The following INPP4B variants were observed in gnomAD, a reference collection of about 807,000 sequenced individuals.
INPP4B encodes inositol polyphosphate 4-phosphatase type II.
Under a neutral mutation model 122.5 loss-of-function variants are expected in INPP4B, and 55 were observed. That is an observed-to-expected ratio of 0.45 (90% CI 0.36 to 0.56). INPP4B has a LOEUF of 0.56. Among genes scored for constraint, INPP4B ranks in the 20% least tolerant of loss-of-function variants. The pLI is 0.00. For missense variants in INPP4B, 1,000 were observed against 1,097.7 expected, an observed-to-expected ratio of 0.91 and a Z score of 1.26; for synonymous variants, 403 against 388.7, an observed-to-expected ratio of 1.04 and a Z score of -0.43.
At chr4:142,537,429 T>TATATATATATATATAGAGAGAGAGAG (rs1200701380) in intron 2 of INPP4B, among the ~76,000 whole-genome samples, 2 of 25,482 alleles carry the variant, frequency 7.8e-5, no homozygotes, top group African/African-American at 1.2e-4. Flanking sequence ...TATATATATA[T>TATATATATATATATAGAGAGAGAGAG]AGAGAGAGAG....
At chr4:142,274,743 A>C (rs1747557860) in intron 9 of INPP4B, among the ~76,000 whole-genome samples, 1 of 151,820 alleles carries the variant, frequency 6.6e-6, no homozygotes, top group Admixed American at 6.6e-5. Flanking sequence ...TAGCAATAAG[A>C]TGGGGCTGCA....
chr4:142,086,936 CAAGAG>C (rs1777144100), intron 23 of INPP4B, among the ~76,000 whole-genome samples: 1 of 152,098 alleles, frequency 6.6e-6, no homozygotes, highest in South Asian at 2.1e-4. Context: ...TAGTCTGAAT[CAAGAG>C]AATATATTAA....
intron 8 of INPP4B, among the ~76,000 whole-genome samples, chr4:142,309,613 C>A (rs543264144): frequency 6.6e-6 from 1 of 152,134 alleles, no homozygotes; most frequent in South Asian, 2.1e-4. Context: ...GCTTCTCTGT[C>A]CAGCATTCTT....
At chr4:142,805,762 T>C (rs1271647252) in intron 1 of INPP4B, among the ~76,000 whole-genome samples, 1 of 152,252 alleles carries the variant, frequency 6.6e-6, no homozygotes, top group East Asian at 1.9e-4. Context: ...ACATATAACA[T>C]ACAATATATG....
chr4:142,839,611 T>C (rs1783238047), intron 1 of INPP4B, among the ~76,000 whole-genome samples: 1 of 152,186 alleles, frequency 6.6e-6, no homozygotes, highest in African/African-American at 2.4e-5. Flanking sequence ...ATAAAAATAT[T>C]TGTAAATAAC....
chr4:142,474,811 G>A (rs997057388), intron 2 of INPP4B, among the ~76,000 whole-genome samples: 5 of 152,018 alleles, frequency 3.3e-5, no homozygotes, highest in African/African-American at 1.2e-4. Context: ...ACCTCTCTTA[G>A]CTAGGCAAGC....
At chr4:142,099,264 C>T (rs558481118) in intron 23 of INPP4B, among the ~76,000 whole-genome samples, 1 of 152,238 alleles carries the variant, frequency 6.6e-6, no homozygotes, top group South Asian at 2.1e-4. Context: ...TGCAGTATAA[C>T]ATAATATTCC....
intron 25 of INPP4B, among the ~76,000 whole-genome samples, chr4:142,055,380 C>T (rs779420330): frequency 1.8e-4 from 28 of 152,116 alleles, no homozygotes; most frequent in Admixed American, 3.9e-4. Flanking sequence ...TTCAAACTTA[C>T]GCAGAATAAG....
intron 1 of INPP4B, among the ~76,000 whole-genome samples, chr4:142,741,674 A>T (rs890777641): frequency 6.6e-6 from 1 of 152,060 alleles, no homozygotes; most frequent in African/African-American, 2.4e-5. Flanking sequence ...AATTAGGTAC[A>T]ACTTCAGAGA....
intron 9 of INPP4B, among the ~76,000 whole-genome samples, chr4:142,285,107 G>A (rs751850230): frequency 2.6e-5 from 4 of 151,984 alleles, no homozygotes; most frequent in Non-Finnish European, 5.9e-5. Flanking sequence ...GAGTGTACTG[G>A]AAAGAGAGGT....
At chr4:142,683,057 T>G (rs1476298889) in intron 2 of INPP4B, among the ~76,000 whole-genome samples, 1 of 152,046 alleles carries the variant, frequency 6.6e-6, no homozygotes, top group East Asian at 1.9e-4. Flanking sequence ...CAGCTGAAGC[T>G]TGTCTTATTC....
intron 1 of INPP4B, among the ~76,000 whole-genome samples, chr4:142,814,020 A>C (rs1171063525): frequency 6.6e-6 from 1 of 152,160 alleles, no homozygotes; most frequent in South Asian, 2.1e-4. Flanking sequence ...CTTTCCTTCA[A>C]ATGTGGACTG....
intron 9 of INPP4B, among the ~76,000 whole-genome samples, chr4:142,295,882 G>T (rs1758481826): frequency 6.6e-6 from 1 of 152,046 alleles, no homozygotes; most frequent in East Asian, 1.9e-4. Context: ...AATGTGTCCA[G>T]TGAAGCAGAA....
intron 9 of INPP4B, among the ~76,000 whole-genome samples, chr4:142,285,431 C>T (rs28668354): frequency 2.3e-4 from 30 of 133,084 alleles, no homozygotes; most frequent in South Asian, 5.1e-4. Context: ...TGGATTGAGG[C>T]TCATGACCTC....
chr4:142,225,410 G>C (rs1369943192), intron 12 of INPP4B, among the ~76,000 whole-genome samples: 1 of 151,828 alleles, frequency 6.6e-6, no homozygotes, highest in Non-Finnish European at 1.5e-5. Flanking sequence ...AGCCTATTGT[G>C]GGACTTCACT....
intron 8 of INPP4B, among the ~76,000 whole-genome samples, chr4:142,307,527 A>G (rs1763887348): frequency 6.6e-6 from 1 of 152,230 alleles, no homozygotes; most frequent in Non-Finnish European, 1.5e-5. Flanking sequence ...TGGCATAGAC[A>G]CTGGCCTTTA....
intron 18 of INPP4B, among the ~76,000 whole-genome samples, chr4:142,136,771 C>T (rs1268709829): frequency 6.6e-6 from 1 of 152,060 alleles, no homozygotes; most frequent in Non-Finnish European, 1.5e-5. Context: ...GAAAGCTTGG[C>T]AAACAAGTGA....
chr4:142,081,717 A>G (rs1463685888), intron 25 of INPP4B, among the ~76,000 whole-genome samples: 3 of 152,114 alleles, frequency 2.0e-5, no homozygotes, highest in Non-Finnish European at 4.4e-5. Flanking sequence ...CCTTAACTTG[A>G]GCCAATGAGC....
chr4:142,142,328 G>C lies in INPP4B; in HGVS notation c.1720+3512C>G, dbSNP rs188769626. Among the ~76,000 whole-genome samples, 577 of 152,158 alleles carry C rather than the reference G, an allele frequency of 3.8e-3. 4 individuals carry two copies. Among genetic ancestry groups the C allele is most frequent in the Admixed American group, 0.018 (280 of 15,274 alleles). On this transcript the variant is annotated intron_variant, in intron 18 of 25. Coordinates refer to ENST00000262992, the MANE Select transcript of INPP4B (RefSeq NM_001101669.3). ...ATGATATTTTCACCCAAAGTGGCAG[G>C]AAATAAGTGAAAATATTTAAGGCTG...
Sources: gnomAD v4.1 joint callset for allele counts (sites outside exome capture counted in the v4.1 genomes callset) on GRCh38, gnomAD v4.1.1 for gene constraint, MANE v1.5 for transcripts, NCBI Gene and HGNC (gene_info 2026-07-23, HGNC 2026-07-21) for gene names.